The following RNF17 variants were observed in gnomAD, a reference collection of about 807,000 sequenced individuals.
The protein encoded by RNF17 is spermatogenesis associated 23.
Under a neutral mutation model 200.5 loss-of-function variants are expected in RNF17, and 31 were observed. The ratio of observed to expected loss-of-function variants is 0.15; its 90% CI spans 0.12 to 0.21. RNF17 has a LOEUF of 0.21. Ranked by LOEUF, RNF17 falls within the 10% of genes least tolerant of loss-of-function variation. The pLI, the probability that RNF17 is intolerant of heterozygous loss-of-function variation, is 1.00. For missense variants in RNF17, 1,628 were observed against 1,905.1 expected, an observed-to-expected ratio of 0.85 and a Z score of 2.71; for synonymous variants, 606 against 637.8, an observed-to-expected ratio of 0.95 and a Z score of 0.75.
chr13:24,784,900 G>C (rs1376662591), intron 6 of RNF17, among the ~76,000 whole-genome samples: 2 of 151,816 alleles, frequency 1.3e-5, no homozygotes, highest in African/African-American at 2.4e-5. Flanking sequence ...GTAGAGATGG[G>C]GTTTCACTGT....
intron 3 of RNF17, among the ~76,000 whole-genome samples, chr13:24,778,021 G>C (rs954697801): frequency 4.6e-5 from 7 of 152,146 alleles, no homozygotes; most frequent in Non-Finnish European, 8.8e-5. Context: ...CAGCACTTTG[G>C]GGGGCCGAGG....
chr13:24,879,169 T>C lies in RNF17; in HGVS notation c.4774-18T>C, dbSNP rs1895173945. Reference sequence around the variant, plus strand: ...AAGACATTACTGTTTTCTTGACAACTGTATCTTTTAATTTTAGGCTCCAGC... The same window carrying C: ...AAGACATTACTGTTTTCTTGACAACCGTATCTTTTAATTTTAGGCTCCAGC... On this transcript the variant is annotated intron_variant, in intron 34 of 35. Coordinates refer to ENST00000255324, the MANE Select transcript of RNF17 (RefSeq NM_031277.3). 1.3e-6 allele frequency: 2 copies of C among 1,580,700 alleles called. No homozygotes were observed. Among genetic ancestry groups the C allele is most frequent in the Non-Finnish European group, 1.7e-6 (2 of 1,149,820 alleles).
intron 34 of RNF17, among the ~76,000 whole-genome samples, chr13:24,878,578 T>C (rs1232796347): frequency 6.6e-6 from 1 of 151,920 alleles, no homozygotes. Context: ...CCCTGGGAGG[T>C]CACTGGTGCA....
At position 24,858,957 on chromosome 13, in the gene RNF17, G is replaced by C. The variant is rs554931146; in HGVS notation, c.3611-44G>C. 4 of 1,233,568 alleles carry C rather than the reference G, an allele frequency of 3.2e-6. No individual in the cohort carries two copies. The South Asian group carries it at 5.8e-5, about 18-fold the overall frequency. The allele number at this position is 1,233,568 out of a possible 1,614,324, so 76.4% of individuals were successfully genotyped here. ...GAAGTTATTAAATTGACAAATGATAGGGAATTTTCCTTAATGCTTTCTATC... is the reference window on the plus strand; with the variant it reads ...GAAGTTATTAAATTGACAAATGATACGGAATTTTCCTTAATGCTTTCTATC... On this transcript the variant is annotated intron_variant, in intron 25 of 35. Transcript: ENST00000255324.
chr13:24,870,494 T>C (rs1308921843), intron 31 of RNF17, 77 bp from the exon 32 acceptor site: 12 of 1,303,958 alleles, frequency 9.2e-6, no homozygotes, highest in East Asian at 2.3e-5. Context: ...GGCTGTCTGC[T>C]ACAGTAATTT....
Position 24,861,335 on chromosome 13 carries a change from A to G in RNF17, c.3842A>G (p.Tyr1281Cys), listed in dbSNP as rs1174959194. ...TGCCATCTTTACCCTATTTTGCTGTATCCTGATATACCCCAGTTTTGTATT... is the reference window on the plus strand; with the variant it reads ...TGCCATCTTTACCCTATTTTGCTGTGTCCTGATATACCCCAGTTTTGTATT... ...PQCHLYPILLYPDIPQFCIPC... is the reference protein window; with the variant it reads ...PQCHLYPILLCPDIPQFCIPC... The change falls in exon 27 of 36, where the codon TAT (tyrosine) becomes TGT (cysteine). Residue 1281 changes from tyrosine to cysteine, a missense_variant. By Grantham distance (194) the Tyr-to-Cys change is radical. Transcript: ENST00000255324. 6.9e-6 allele frequency: 11 copies of G among 1,588,288 alleles called. No individual in the cohort carries two copies. The highest frequency in any genetic ancestry group is 9.4e-6 in the Non-Finnish European group (11 of 1,164,800).
chr13:24,868,050 A>G (rs1401689009), intron 30 of RNF17, among the ~76,000 whole-genome samples: 1 of 152,142 alleles, frequency 6.6e-6, no homozygotes, highest in African/African-American at 2.4e-5. Context: ...ATCAATAAAC[A>G]TTCATGCATT....
intron 19 of RNF17, among the ~76,000 whole-genome samples, chr13:24,843,118 G>A (rs2138138424): frequency 6.6e-6 from 1 of 152,306 alleles, no homozygotes; most frequent in East Asian, 1.9e-4. Flanking sequence ...ATGATCTGTG[G>A]ACATGCTTTC....
intron 3 of RNF17, among the ~76,000 whole-genome samples, chr13:24,775,951 A>G (rs1335765466): frequency 2.0e-5 from 3 of 152,226 alleles, no homozygotes; most frequent in Admixed American, 2.0e-4. Flanking sequence ...TAAGTGTTAA[A>G]GGATCTTCTG....
chr13:24,858,575 G>GATATATATATATATATATAT (rs397770900), intron 25 of RNF17, among the ~76,000 whole-genome samples: 2,853 of 142,736 alleles, frequency 0.02, 73 homozygotes, highest in South Asian at 0.045. Flanking sequence ...ATCAGTTATG[G>GATATATATATATATATATAT]ATATATATAT....
chr13:24,883,151 G>A (rs372867684), downstream of RNF17: 85 of 1,594,594 alleles, frequency 5.3e-5, 1 homozygote, highest in Middle Eastern at 5.4e-3. Context: ...GTCAGTTACT[G>A]TTACTTCATG....
intron 5 of RNF17, among the ~76,000 whole-genome samples, 187 bp from the exon 6 acceptor site, chr13:24,781,657 T>G (rs79893123): frequency 6.6e-6 from 1 of 152,090 alleles, no homozygotes; most frequent in Non-Finnish European, 1.5e-5. Context: ...CAAAAAGATA[T>G]GGTCTTGCTC....
At chr13:24,808,687 T>C (rs1199241421) in intron 15 of RNF17, among the ~76,000 whole-genome samples, 1 of 68,698 alleles carries the variant, frequency 1.5e-5, no homozygotes, top group Admixed American at 1.8e-4. Context: ...CTATGTTGAA[T>C]AGGAGTGGTG....
At chr13:24,848,309 A>G (rs893717854) in intron 22 of RNF17, among the ~76,000 whole-genome samples, 1 of 152,180 alleles carries the variant, frequency 6.6e-6, no homozygotes, top group African/African-American at 2.4e-5. Context: ...GGTTGATTAA[A>G]TATATATTAC....
intron 15 of RNF17, among the ~76,000 whole-genome samples, chr13:24,818,316 C>G (rs1396467297): frequency 4.6e-5 from 7 of 151,982 alleles, no homozygotes; most frequent in South Asian, 4.2e-4. Flanking sequence ...TGAGAATGTT[C>G]TAAGTGGCCT....
At position 24,796,294 on chromosome 13, in the gene RNF17, A is replaced by G; in HGVS notation, c.1398A>G (p.Leu466=). The G allele has an allele frequency of 6.3e-7, 1 of 1,581,154 alleles. No homozygotes were observed. Among genetic ancestry groups the G allele is most frequent in the Non-Finnish European group, 8.6e-7 (1 of 1,165,382 alleles). ...SHLDPSDILE[L]GARIFVSSIK... ...TTGATCCTTCAGACATTTTGGAACT[A>G]GGTAATGAAATATTAGTCCAAGTTA... is the stretch of plus-strand genomic sequence containing the variant. Residue 466 remains leucine (L), a splice_region_variant and synonymous_variant, in exon 11 of 36, where the codon CTA becomes CTG. Transcript: ENST00000255324.
chr13:24,837,180 T>A (rs1224605868), intron 18 of RNF17, among the ~76,000 whole-genome samples: 2 of 152,072 alleles, frequency 1.3e-5, no homozygotes, highest in African/African-American at 4.8e-5. Context: ...AGTATCACAG[T>A]CTTAAACATA....
chr13:24,749,341 G>A, the RNF17 span, among the ~76,000 whole-genome samples: 2 of 105,176 alleles, frequency 1.9e-5, no homozygotes, highest in Non-Finnish European at 3.5e-5. Context: ...GTCTCACTCT[G>A]TTGTCCAGGC....
At chr13:24,848,907 A>G (rs988157592) in intron 22 of RNF17, among the ~76,000 whole-genome samples, 3 of 152,226 alleles carry the variant, frequency 2.0e-5, no homozygotes, top group Admixed American at 6.5e-5. Context: ...TTCTTAGCAC[A>G]TAAGAACTCT....
Sources: allele counts gnomAD v4.1 joint callset (sites outside exome capture counted in the v4.1 genomes callset), GRCh38; gene constraint gnomAD v4.1.1; transcripts MANE v1.5; gene names NCBI Gene and HGNC (gene_info 2026-07-23, HGNC 2026-07-21).